The following PGBD1 variants were observed in gnomAD, a reference collection of about 807,000 sequenced individuals.
PGBD1 encodes piggyBac transposable element derived 1.
A neutral mutation model predicts 34.7 loss-of-function variants in PGBD1; 25 were observed. The observed-to-expected ratio is 0.72, with a 90% CI of 0.52 to 1.00. The LOEUF (loss-of-function observed/expected upper bound fraction) is 1.00, where lower values mean the gene tolerates loss of function less well. PGBD1 is among the 50% of genes least tolerant of loss of function. The probability of loss-of-function intolerance (pLI) is 0.00; values close to 1 mark genes in which losing one functional copy is unlikely to be tolerated. For missense variants in PGBD1, 830 were observed against 959.4 expected, an observed-to-expected ratio of 0.87 and a Z score of 1.78; for synonymous variants, 292 against 335.7, an observed-to-expected ratio of 0.87 and a Z score of 1.42.
chr6:28,288,258 T>G (rs1054392158), intron 4 of PGBD1, among the ~76,000 whole-genome samples: 2 of 152,246 alleles, frequency 1.3e-5, no homozygotes, highest in African/African-American at 4.8e-5. Context: ...CCCACGTACC[T>G]GTGAATGTGA....
In PGBD1 at chr6:28,297,897, G is replaced by A; in HGVS notation, c.775G>A (p.Glu259Lys). The change falls in exon 6 of 7, where the codon GAA becomes AAA. Residue 259 changes from glutamate (E) to lysine (K), a missense_variant and splice_region_variant. Physicochemically the swap from Glu to Lys is moderately conservative, Grantham distance 56 (BLOSUM62 1). Around this residue, in one of 3 missense-constraint regions of PGBD1, gnomAD observed 457 missense variants for 515.4 expected, o/e 0.89. Coordinates refer to ENST00000682144, the MANE Select transcript of PGBD1 (RefSeq NM_032507.4). ...AAATCATTAATGTTATATTTTAGCT[G>A]AAGAAATTGTAACTAAAGATAGATT... ...ETVMSLSPMT[E>K]EIVTKDRLFK... 1 of 1,252,770 alleles carries A rather than the reference G, an allele frequency of 8.0e-7. No homozygotes were observed. The highest frequency in any genetic ancestry group is 1.1e-6 in the Non-Finnish European group (1 of 933,496). 77.6% of individuals were successfully genotyped at this position (1,252,770 alleles called of 1,614,324 possible).
intron 6 of PGBD1, among the ~76,000 whole-genome samples, chr6:28,298,469 C>A (rs929632652): frequency 6.6e-6 from 1 of 152,046 alleles, no homozygotes; most frequent in Non-Finnish European, 1.5e-5. Flanking sequence ...AAAGGAAATG[C>A]TCATTGGAGC....
At chr6:28,288,634 T>C (rs2113746285) in intron 4 of PGBD1, among the ~76,000 whole-genome samples, 1 of 152,034 alleles carries the variant, frequency 6.6e-6, no homozygotes, top group Non-Finnish European at 1.5e-5. Context: ...GGCAGGAGGA[T>C]TGCTTGAGGC....
Position 28,300,386 on chromosome 6 carries a change from C to A in PGBD1, c.870-338C>A, listed in dbSNP as rs763087397. Among the ~76,000 whole-genome samples the A allele has an allele frequency of 1.3e-5, 2 of 152,144 alleles. No homozygotes were observed. The highest frequency in any genetic ancestry group is 2.9e-5 in the Non-Finnish European group (2 of 68,038). ...CAGAGGAGGAGTGTAGCAGATGTCC[C>A]TCTGCATAGGTCTTCTCAATGCAAC... On this transcript the variant is annotated intron_variant, in intron 6 of 6. Coordinates refer to ENST00000682144, the MANE Select transcript of PGBD1 (RefSeq NM_032507.4). The surrounding 1 kb of genome is among the most constrained non-coding windows in gnomAD (Gnocchi z 4.0).
chr6:28,291,600 T>A (rs1393472515), intron 4 of PGBD1, among the ~76,000 whole-genome samples: 1 of 149,594 alleles, frequency 6.7e-6, no homozygotes, highest in Non-Finnish European at 1.5e-5. Flanking sequence ...AAATTCATTC[T>A]AGGAGGCCAG....
intron 4 of PGBD1, among the ~76,000 whole-genome samples, chr6:28,292,032 G>A (rs1762472393): frequency 6.6e-6 from 1 of 152,128 alleles, no homozygotes; most frequent in Admixed American, 6.6e-5. Context: ...AGATAAGAAT[G>A]CCCATCTCAC....
At position 28,301,992 on chromosome 6, in the gene PGBD1, G is replaced by A. The variant is rs752057511; in HGVS notation, c.2138G>A (p.Cys713Tyr). 1.9e-6 allele frequency: 3 copies of A among 1,614,094 alleles called. No homozygotes were observed. The African/African-American group carries it at 4.0e-5, about 22-fold the overall frequency. The change falls in exon 7 of 7, where the codon TGT (cysteine) becomes TAT (tyrosine). Residue 713 changes from cysteine to tyrosine, a missense_variant. This residue lies in a region of PGBD1 where 372 missense variants were observed against 427.9 expected (regional missense o/e 0.87). Transcript: ENST00000682144. ...GAACCAGTCAATGAGGTAAGCTGTTGTGATGCTGATAACGAAGAAATCCCT... is the reference window on the plus strand; with the variant it reads ...GAACCAGTCAATGAGGTAAGCTGTTATGATGCTGATAACGAAGAAATCCCT... ...GIEPVNEVSC[C>Y]DADNEEIPQI... is the part of the protein sequence containing the mutation.
At chr6:28,299,278 A>G (rs1286459543) in intron 6 of PGBD1, among the ~76,000 whole-genome samples, 4 of 152,180 alleles carry the variant, frequency 2.6e-5, no homozygotes, top group African/African-American at 9.7e-5. Flanking sequence ...GTTAGGTGCA[A>G]TAGCTTAACC....
intron 4 of PGBD1, among the ~76,000 whole-genome samples, chr6:28,292,688 A>G (rs960437309): frequency 7.2e-5 from 11 of 152,146 alleles, no homozygotes; most frequent in African/African-American, 2.7e-4. Context: ...AAAAAAATTC[A>G]TGTGGTGAGC....
chr6:28,291,702 A>C (rs1436839562), intron 4 of PGBD1, among the ~76,000 whole-genome samples: 1 of 152,204 alleles, frequency 6.6e-6, no homozygotes, highest in Non-Finnish European at 1.5e-5. Context: ...AAAAATTCTC[A>C]ATGAAACACT....
At chr6:28,292,336 A>G (rs1762482935) in intron 4 of PGBD1, among the ~76,000 whole-genome samples, 1 of 152,212 alleles carries the variant, frequency 6.6e-6, no homozygotes, top group Non-Finnish European at 1.5e-5. Flanking sequence ...TACAAAAGCT[A>G]CAAAAAATAT....
At chr6:28,287,050 A>C in intron 3 of PGBD1, 30 bp from the exon 4 acceptor site, 1 of 1,567,570 alleles carries the variant, frequency 6.4e-7, no homozygotes, top group African/African-American at 1.4e-5. Flanking sequence ...ATCATGTCTC[A>C]TTTAGGACTC....
rs1469232005 is a variant in PGBD1, at chr6:28,284,021, C to T, written c.208C>T (p.His70Tyr). 1 of 1,614,156 alleles carries T rather than the reference C, an allele frequency of 6.2e-7. No homozygotes were observed. The highest frequency in any genetic ancestry group is 2.2e-5 in the East Asian group (1 of 44,886). Residue 70 changes from histidine to tyrosine, a missense_variant, in exon 2 of 7, where the codon CAT becomes TAT. His to Tyr is a moderately conservative substitution (Grantham distance 83). Coordinates refer to ENST00000682144, the MANE Select transcript of PGBD1 (RefSeq NM_032507.4). ...EALAQLRELC[H>Y]QWLRPEMHTK... ...TCTGGCCCAACTCCGAGAACTTTGTCATCAATGGCTGAGACCGGAGATGCA... is the reference window on the plus strand; with the variant it reads ...TCTGGCCCAACTCCGAGAACTTTGTTATCAATGGCTGAGACCGGAGATGCA...
chr6:28,293,688 A>C (rs1561888875), intron 4 of PGBD1, among the ~76,000 whole-genome samples: 2 of 152,122 alleles, frequency 1.3e-5, no homozygotes, highest in South Asian at 4.1e-4. Context: ...GTTATTTTTG[A>C]TGTTACTATT....
In PGBD1 at chr6:28,301,795, A is replaced by G. The variant is rs781434282; in HGVS notation, c.1941A>G (p.Thr647=). 3.7e-6 allele frequency: 6 copies of G among 1,614,098 alleles called. No individual in the cohort carries two copies. The highest frequency in any genetic ancestry group is 5.1e-6 in the Non-Finnish European group (6 of 1,180,048). ...TGAAAAAGAAGGGGGTGAGGGCAAC[A>G]GGAACAATTCGTGAGAACAGGACCG... The part of the protein sequence containing the change: ...SALKKKGVRA[T]GTIRENRTEK... Residue 647 remains threonine, a synonymous_variant, in exon 7 of 7, where the codon ACA becomes ACG. Coordinates refer to ENST00000682144, the MANE Select transcript of PGBD1 (RefSeq NM_032507.4).
intron 5 of PGBD1, 80 bp downstream of exon 5, chr6:28,297,025 C>A (rs1762666065): frequency 1.3e-6 from 2 of 1,543,056 alleles, no homozygotes; most frequent in South Asian, 1.2e-5. Flanking sequence ...CTTGGGAGGC[C>A]ACGTTTCCTA....
intron 1 of PGBD1, 50 bp from the exon 2 acceptor site, chr6:28,283,726 G>A (rs568347335): frequency 2.1e-6 from 3 of 1,455,088 alleles, no homozygotes; most frequent in Non-Finnish European, 2.7e-6. Context: ...CTTATAATTT[G>A]CATGTTGCTG....
chr6:28,287,205 G>A (rs1762313871), intron 4 of PGBD1, 37 bp downstream of exon 4: 2 of 1,512,754 alleles, frequency 1.3e-6, no homozygotes, highest in African/African-American at 2.8e-5. Context: ...AATATCAGTA[G>A]TGGTCTTTCT....
Position 28,301,719 on chromosome 6 carries a change from A to G in PGBD1, c.1865A>G (p.Tyr622Cys), listed in dbSNP as rs765986763. 3.1e-6 allele frequency: 5 copies of G among 1,614,048 alleles called. No homozygotes were observed. In the African/African-American group the frequency reaches 5.3e-5, roughly 17 times the overall value. Residue 622 changes from tyrosine (Y) to cysteine (C), a missense_variant, in exon 7 of 7, where the codon TAT (tyrosine) becomes TGT (cysteine). Around this residue, in one of 3 missense-constraint regions of PGBD1, gnomAD observed 372 missense variants for 427.9 expected, o/e 0.87. Coordinates refer to ENST00000682144, the MANE Select transcript of PGBD1 (RefSeq NM_032507.4). ...CTTTTAGAGAGAGGTCAGTATCCCT[A>G]TCACCTGTGTTTTGATAGCTTCTTT... The part of the protein sequence containing the change: ...DVLLERGQYP[Y>C]HLCFDSFFTS...
Sources: gnomAD v4.1 joint callset for allele counts (sites outside exome capture counted in the v4.1 genomes callset) on GRCh38, gnomAD v4.1.1 for gene constraint, gnomAD v4.1.1 regional missense constraint, Gnocchi (gnomAD v3.1) non-coding constraint, MANE v1.5 for transcripts, NCBI Gene and HGNC (gene_info 2026-07-23, HGNC 2026-07-21) for gene names.